LMAN2: variants seen among roughly 807,000 people sequenced by gnomAD.
The protein encoded by LMAN2 is lectin, mannose binding 2, also known as vesicular integral-membrane protein VIP36.
LMAN2 carries 22 observed loss-of-function variants against 39.3 expected under a neutral mutation model. The observed-to-expected ratio is 0.56, with a 90% CI of 0.40 to 0.80. The LOEUF is 0.80. Ranked by LOEUF, LMAN2 falls within the 30% of genes least tolerant of loss-of-function variation. The pLI is 0.00. For synonymous variants in LMAN2, 207 were observed against 207.8 expected (o/e 1.00, Z 0.03); for missense variants, 494 against 505.4 (o/e 0.98, Z 0.22).
At chr5:177,339,439 A>G (rs944367042) in intron 2 of LMAN2, among the ~76,000 whole-genome samples, 1 of 152,200 alleles carries the variant, frequency 6.6e-6, no homozygotes, top group African/African-American at 2.4e-5. Flanking sequence ...ACTCAAGGGC[A>G]CCACCATGTG....
intron 7 of LMAN2, among the ~76,000 whole-genome samples, chr5:177,333,801 C>T (rs563133425): frequency 1.3e-5 from 2 of 152,242 alleles, no homozygotes; most frequent in Admixed American, 6.5e-5. Context: ...AATTTCCAAT[C>T]TTGCTCTCTC....
chr5:177,351,043 G>A, intron 2 of LMAN2, 130 bp downstream of exon 2: 2 of 787,258 alleles, frequency 2.5e-6, no homozygotes, highest in East Asian at 4.9e-5. Flanking sequence ...ATTGGTGGGT[G>A]TGACCGAGAT....
rs374130054 is a variant in LMAN2 at position 177,334,389 on chromosome 5, T to G, written c.805A>C (p.Ile269Leu). Residue 269 changes from isoleucine to leucine, a missense_variant, in exon 7 of 8, where the codon ATC (isoleucine) becomes CTC (leucine). By Grantham distance (5) the Ile-to-Leu change is conservative. Transcript: ENST00000303127. ...ATCAGCTGGAACAGCTTCATGGAGA[T>G]GATGTCATGATTGTCTGCAGGACCA... The part of the protein sequence containing the change: ...TGDLSDNHDI[I>L]SMKLFQLMVE... 1 of 1,613,100 alleles carries G rather than the reference T, an allele frequency of 6.2e-7. No homozygotes were observed. The highest frequency in any genetic ancestry group is 1.3e-5 in the African/African-American group (1 of 74,912).
chr5:177,332,736 A>G lies in LMAN2; in HGVS notation c.911-490T>C, dbSNP rs1423349122. Reference sequence around the variant, plus strand: ...TGAGTCCCACACTCCACCCCAGCCCACAGCCTCTCTCCTCCACACAAGGTT... The same window carrying G: ...TGAGTCCCACACTCCACCCCAGCCCGCAGCCTCTCTCCTCCACACAAGGTT... On this transcript the variant is annotated intron_variant, in intron 7 of 7. Coordinates refer to ENST00000303127, the MANE Select transcript of LMAN2 (RefSeq NM_006816.3). This position sits in a 1 kb window ranked among gnomAD's most constrained non-coding sequence, Gnocchi z 6.3. Among the ~76,000 whole-genome samples the G allele has an allele frequency of 6.6e-6, 1 of 152,018 alleles. No individual in the cohort carries two copies. Among genetic ancestry groups the G allele is most frequent in the Non-Finnish European group, 1.5e-5 (1 of 67,972 alleles).
chr5:177,346,958 C>A (rs1761645808), intron 2 of LMAN2, among the ~76,000 whole-genome samples: 1 of 152,168 alleles, frequency 6.6e-6, no homozygotes, highest in Non-Finnish European at 1.5e-5. Context: ...ACCTAAAGAA[C>A]CTACGTGGCA....
intron 2 of LMAN2, among the ~76,000 whole-genome samples, chr5:177,348,675 A>ATG (rs1327277063): frequency 2.3e-5 from 3 of 132,976 alleles, no homozygotes; most frequent in Non-Finnish European, 3.1e-5. Context: ...GTGATAGAGC[A>ATG]TGACTCTGTC....
intron 7 of LMAN2, among the ~76,000 whole-genome samples, chr5:177,333,987 T>C (rs1761430948): frequency 6.6e-6 from 1 of 152,242 alleles, no homozygotes; most frequent in Non-Finnish European, 1.5e-5. Context: ...GATCAGCCAC[T>C]GCTTGCTGCC....
At chr5:177,345,736 CATTTATTT>C (rs752212044) in intron 2 of LMAN2, among the ~76,000 whole-genome samples, 2,069 of 135,514 alleles carry the variant, frequency 0.015, 18 homozygotes, top group East Asian at 0.052. Context: ...CCATGGCATG[CATTTATTT>C]ATTTATTTAT....
intron 2 of LMAN2, among the ~76,000 whole-genome samples, chr5:177,340,221 C>T (rs1181395378): frequency 6.6e-6 from 1 of 152,156 alleles, no homozygotes; most frequent in Non-Finnish European, 1.5e-5. Context: ...ACAGCAACAA[C>T]AACAAAAAAG....
Position 177,351,154 on chromosome 5 carries a change from C to G in LMAN2, c.315+19G>C. On this transcript the variant is annotated intron_variant, in intron 2 of 7. Coordinates refer to ENST00000303127, the MANE Select transcript of LMAN2 (RefSeq NM_006816.3). ...GCAGCCAACCGCACAGTACGCCTAT[C>G]CTCTTGAGAACCACTCACCTGGTGG... The G allele has an allele frequency of 6.2e-7, 1 of 1,610,206 alleles. No homozygotes were observed. Among genetic ancestry groups the G allele is most frequent in the Non-Finnish European group, 8.5e-7 (1 of 1,176,458 alleles).
rs1408692525 is a variant in LMAN2 at position 177,337,807 on chromosome 5, C to T, written c.434-22G>A. On this transcript the variant is annotated intron_variant, in intron 3 of 7. Coordinates refer to ENST00000303127, the MANE Select transcript of LMAN2 (RefSeq NM_006816.3). This position sits in a 1 kb window ranked among gnomAD's most constrained non-coding sequence, Gnocchi z 8.2. ...GGCCCTAGAATTATAAGCAGATGCTCTCAGAATGGGAGAAACAGGAGCCGT... is the reference window on the plus strand; with the variant it reads ...GGCCCTAGAATTATAAGCAGATGCTTTCAGAATGGGAGAAACAGGAGCCGT... The T allele has an allele frequency of 6.2e-7, 1 of 1,610,134 alleles. No homozygotes were observed. The highest frequency in any genetic ancestry group is 8.5e-7 in the Non-Finnish European group (1 of 1,177,652).
chr5:177,340,660 C>T (rs985412147), intron 2 of LMAN2, among the ~76,000 whole-genome samples: 1 of 152,084 alleles, frequency 6.6e-6, no homozygotes, highest in Non-Finnish European at 1.5e-5. Context: ...ATTCCAGCTA[C>T]TTGGGAGGCT....
chr5:177,335,203 C>T (rs1165906191), intron 6 of LMAN2, among the ~76,000 whole-genome samples: 2 of 152,202 alleles, frequency 1.3e-5, no homozygotes, highest in African/African-American at 2.4e-5. Flanking sequence ...GTGTGAGAGC[C>T]GAGCATGCAC....
chr5:177,346,276 C>T (rs779999760), intron 2 of LMAN2: 12 of 270,398 alleles, frequency 4.4e-5, no homozygotes, highest in Non-Finnish European at 8.0e-5. Flanking sequence ...AAGAAAAACT[C>T]CTTGTGAAGG....
rs1415915630 is a variant in LMAN2, at chr5:177,347,063, C to T, written c.315+4110G>A. 3.9e-5 allele frequency among the ~76,000 whole-genome samples: 6 copies of T among 152,082 alleles called. 1 individual carries two copies. The highest frequency in any genetic ancestry group is 1.2e-4 in the African/African-American group (5 of 41,412). On this transcript the variant is annotated intron_variant, in intron 2 of 7. Transcript: ENST00000303127. ...TGATGCAATTCCATCAGCTATCTAA[C>T]AATAATAAACAATTTTAAAAGATAA...
At position 177,351,640 on chromosome 5, in the gene LMAN2, G is replaced by A. The variant is rs769933745; in HGVS notation, c.8C>T (p.Ala3Val). ...GCCCCAACGCCAAATCCAGCCTTCC[G>A]CCGCCATTCTCCTCTCCTCTCGGCC... MA[A>V]EGWIWRWGWG... The change falls in exon 1 of 8, where the codon GCG becomes GTG. Residue 3 changes from alanine to valine, a missense_variant. Ala to Val is a moderately conservative substitution (Grantham distance 64). Transcript: ENST00000303127. 6.3e-6 allele frequency: 10 copies of A among 1,590,738 alleles called. No homozygotes were observed. The highest frequency in any genetic ancestry group is 8.5e-6 in the Non-Finnish European group (10 of 1,171,044).
Position 177,337,921 on chromosome 5 carries a change from C to A in LMAN2, c.434-136G>T, listed in dbSNP as rs1284028023. The A allele has an allele frequency of 1.4e-5, 10 of 715,462 alleles. 1 individual carries two copies. Among genetic ancestry groups the A allele is most frequent in the South Asian group, 1.1e-4 (7 of 61,194 alleles). The allele number at this position is 715,462 out of a possible 1,614,324, so 44.3% of individuals were successfully genotyped here. On this transcript the variant is annotated intron_variant, in intron 3 of 7. Coordinates refer to ENST00000303127, the MANE Select transcript of LMAN2 (RefSeq NM_006816.3). This position sits in a 1 kb window ranked among gnomAD's most constrained non-coding sequence, Gnocchi z 8.2. ...GGCCATTCACCGAGAGAGAAGGGAT[C>A]GTGAAAGGAGAAAGCTGAGGCTTTC...
At chr5:177,334,455 C>A in intron 6 of LMAN2, 52 bp from the exon 7 acceptor site, 2 of 1,576,952 alleles carry the variant, frequency 1.3e-6, no homozygotes, top group Non-Finnish European at 1.7e-6. Flanking sequence ...CCGCAGGGCA[C>A]GTGGCCCAAG....
At chr5:177,346,471 T>TA (rs1011291417) in intron 2 of LMAN2, 44 of 265,518 alleles carry the variant, frequency 1.7e-4, no homozygotes, top group Non-Finnish European at 2.3e-4. Context: ...GTTTTTTTTT[T>TA]AAAAAAAGCA....
Sources: allele counts gnomAD v4.1 joint callset (sites outside exome capture counted in the v4.1 genomes callset), GRCh38; gene constraint gnomAD v4.1.1; non-coding constraint Gnocchi (gnomAD v3.1); transcripts MANE v1.5; gene names NCBI Gene and HGNC (gene_info 2026-07-23, HGNC 2026-07-21).